Variants in GRM1 observed in about 807,000 individuals in gnomAD.
GRM1 encodes the protein metabotropic glutamate receptor 1.
In GRM1, 33 loss-of-function variants were observed where a neutral mutation model predicts 90.9. The observed-to-expected ratio is 0.36, with a 90% CI of 0.28 to 0.49. The LOEUF is 0.49. Among genes scored for constraint, GRM1 ranks in the 20% least tolerant of loss-of-function variants. The pLI is 0.99. For synonymous variants in GRM1, 700 were observed against 613.2 expected (o/e 1.14, Z -2.09); for missense variants, 1,190 against 1,534.3 (o/e 0.78, Z 3.75).
At chr6:146,295,942 T>C (rs1236360798) in intron 2 of GRM1, among the ~76,000 whole-genome samples, 2 of 152,194 alleles carry the variant, frequency 1.3e-5, no homozygotes, top group African/African-American at 4.8e-5. Context: ...GTGTTATAAT[T>C]TAGCTCTCAC....
At chr6:146,223,779 T>A (rs1485474557) in intron 2 of GRM1, among the ~76,000 whole-genome samples, 1 of 152,108 alleles carries the variant, frequency 6.6e-6, no homozygotes, top group Non-Finnish European at 1.5e-5. Context: ...GGGTTTACAT[T>A]TGCAGTCTTC....
chr6:146,120,727 T>A (rs1327102900), intron 1 of GRM1, among the ~76,000 whole-genome samples: 1 of 152,252 alleles, frequency 6.6e-6, no homozygotes, highest in Non-Finnish European at 1.5e-5. Flanking sequence ...TCTATTTATA[T>A]GCTGGATTAC....
intron 2 of GRM1, among the ~76,000 whole-genome samples, chr6:146,164,173 C>T (rs542886771): frequency 2.0e-5 from 3 of 152,170 alleles, no homozygotes; most frequent in Admixed American, 2.0e-4. Context: ...TTGGTAGGTA[C>T]TAGGCTATTA....
At chr6:146,225,764 A>G (rs892688479) in intron 2 of GRM1, among the ~76,000 whole-genome samples, 2 of 152,178 alleles carry the variant, frequency 1.3e-5, no homozygotes, top group African/African-American at 4.8e-5. Flanking sequence ...TTATTAGAGT[A>G]TTTGTATGTT....
intron 1 of GRM1, among the ~76,000 whole-genome samples, chr6:146,044,802 C>T (rs766829977): frequency 1.3e-5 from 2 of 151,820 alleles, no homozygotes; most frequent in African/African-American, 2.4e-5. Flanking sequence ...GAAAAAAAAT[C>T]GAGTGAGTGA....
intron 2 of GRM1, among the ~76,000 whole-genome samples, chr6:146,261,450 T>C (rs919309340): frequency 1.3e-5 from 2 of 152,064 alleles, no homozygotes; most frequent in African/African-American, 4.8e-5. Flanking sequence ...ACAGGATAGA[T>C]GTTGTGGTTC....
At chr6:146,257,851 G>C (rs1466814976) in intron 2 of GRM1, among the ~76,000 whole-genome samples, 1 of 151,964 alleles carries the variant, frequency 6.6e-6, no homozygotes, top group East Asian at 1.9e-4. Flanking sequence ...AATTTTATTG[G>C]GAAACACTCT....
chr6:146,386,683 C>T (rs1315505146), intron 5 of GRM1, among the ~76,000 whole-genome samples: 2 of 151,964 alleles, frequency 1.3e-5, no homozygotes, highest in Admixed American at 1.3e-4. Context: ...CCTCCAAACC[C>T]AGCATGGAAT....
chr6:146,359,007 G>T (rs970653045), intron 5 of GRM1, among the ~76,000 whole-genome samples: 1 of 152,186 alleles, frequency 6.6e-6, no homozygotes, highest in African/African-American at 2.4e-5. Flanking sequence ...CCATGGCTAT[G>T]GTAAATCTTT....
At chr6:146,061,171 A>C (rs180753283) in intron 1 of GRM1, among the ~76,000 whole-genome samples, 256 of 152,272 alleles carry the variant, frequency 1.7e-3, no homozygotes, top group African/African-American at 5.6e-3. Flanking sequence ...TGGTGTCCCA[A>C]AACAATTACA....
chr6:146,032,224 A>G (rs147042316), intron 1 of GRM1, among the ~76,000 whole-genome samples: 8 of 152,236 alleles, frequency 5.3e-5, no homozygotes, highest in African/African-American at 1.4e-4. Context: ...ATGTCTCCGT[A>G]CTATTATAGT....
chr6:146,376,273 G>T (rs980892761), intron 5 of GRM1, among the ~76,000 whole-genome samples: 2 of 151,794 alleles, frequency 1.3e-5, no homozygotes, highest in East Asian at 3.9e-4. Flanking sequence ...ACTTTTGATT[G>T]GTTCATTATT....
chr6:146,289,420 T>C (rs1306539784), intron 2 of GRM1, among the ~76,000 whole-genome samples: 2 of 152,206 alleles, frequency 1.3e-5, no homozygotes, highest in Non-Finnish European at 2.9e-5. Context: ...ATACAATGTA[T>C]TTGTGTTTCA....
intron 3 of GRM1, among the ~76,000 whole-genome samples, chr6:146,342,707 G>C (rs937893395): frequency 1.3e-5 from 2 of 152,192 alleles, no homozygotes; most frequent in African/African-American, 4.8e-5. Context: ...CTATCACAGA[G>C]CAAACCTTTA....
chr6:146,054,968 G>A (rs781348329), intron 1 of GRM1, among the ~76,000 whole-genome samples: 1 of 151,988 alleles, frequency 6.6e-6, no homozygotes, highest in Non-Finnish European at 1.5e-5. Flanking sequence ...AATTGGGGGT[G>A]GAGGGGAGCT....
chr6:146,116,125 A>T (rs1219218469), intron 1 of GRM1, among the ~76,000 whole-genome samples: 1 of 151,852 alleles, frequency 6.6e-6, no homozygotes, highest in African/African-American at 2.4e-5. Flanking sequence ...TAATTTTTGT[A>T]TTTTTAATAA....
At chr6:146,384,539 A>G (rs1263003288) in intron 5 of GRM1, among the ~76,000 whole-genome samples, 1 of 152,048 alleles carries the variant, frequency 6.6e-6, no homozygotes, top group East Asian at 1.9e-4. Flanking sequence ...AAAGTCCAAC[A>G]CTCATTTTAA....
chr6:146,312,228 C>T (rs972802330), intron 3 of GRM1, among the ~76,000 whole-genome samples: 2 of 151,564 alleles, frequency 1.3e-5, no homozygotes, highest in African/African-American at 4.8e-5. Flanking sequence ...GTAATCCCAG[C>T]TACTCAGGAG....
At chr6:146,205,344 G>A (rs1175719616) in intron 2 of GRM1, among the ~76,000 whole-genome samples, 2 of 152,068 alleles carry the variant, frequency 1.3e-5, no homozygotes, top group East Asian at 1.9e-4. Context: ...ACTTTATGGT[G>A]TTCTGGCTTT....
Sources: allele counts gnomAD v4.1 joint callset (sites outside exome capture counted in the v4.1 genomes callset), GRCh38; gene constraint gnomAD v4.1.1; transcripts MANE v1.5; gene names NCBI Gene and HGNC (gene_info 2026-07-23, HGNC 2026-07-21).